RBMS3: variants seen among roughly 807,000 people sequenced by gnomAD.
The protein encoded by RBMS3 is RNA binding motif single stranded interacting protein 3, also known as RNA-binding motif, single-stranded-interacting protein 3.
RBMS3 carries 27 observed loss-of-function variants against 66.8 expected under a neutral mutation model. The ratio of observed to expected loss-of-function variants is 0.40; its 90% CI spans 0.30 to 0.56. The LOEUF is 0.56. Among genes scored for constraint, RBMS3 ranks in the 20% least tolerant of loss-of-function variants. The pLI is 0.40. For missense variants in RBMS3, 513 were observed against 549.5 expected (o/e 0.93, Z 0.66); for synonymous variants, 188 against 183.0 (o/e 1.03, Z -0.22).
At chr3:29,543,833 G>GT (rs2045853713) in intron 3 of RBMS3, among the ~76,000 whole-genome samples, 2 of 152,068 alleles carry the variant, frequency 1.3e-5, no homozygotes, top group South Asian at 2.1e-4. Flanking sequence ...AAGGTACATC[G>GT]TTTTTTTCAG....
At chr3:29,578,465 T>A (rs534633849) in intron 3 of RBMS3, among the ~76,000 whole-genome samples, 37 of 152,302 alleles carry the variant, frequency 2.4e-4, no homozygotes, top group African/African-American at 8.4e-4. Context: ...AGATGTAGAA[T>A]CCACCGTGTC....
intron 3 of RBMS3, among the ~76,000 whole-genome samples, chr3:29,499,730 A>C (rs3773036): frequency 0.024 from 3,627 of 152,314 alleles, 101 homozygotes; most frequent in Admixed American, 0.089. Flanking sequence ...TATTTGGAAC[A>C]CTTTTTCTAT....
intron 1 of RBMS3, among the ~76,000 whole-genome samples, chr3:29,336,539 C>A (rs540201757): frequency 6.6e-6 from 1 of 151,926 alleles, no homozygotes. Context: ...GACTTTATTG[C>A]GGAACGAAAG....
At chr3:29,462,281 A>G (rs1266378544) in intron 2 of RBMS3, among the ~76,000 whole-genome samples, 1 of 152,180 alleles carries the variant, frequency 6.6e-6, no homozygotes, top group Non-Finnish European at 1.5e-5. Context: ...TTCAGGCTGC[A>G]TGCCCCCTTT....
At chr3:29,814,709 G>A (rs1320504586) in intron 6 of RBMS3, among the ~76,000 whole-genome samples, 4 of 152,050 alleles carry the variant, frequency 2.6e-5, no homozygotes, top group African/African-American at 7.2e-5. Flanking sequence ...TTTAGTCTTG[G>A]GAGAGTGTAT....
At chr3:29,905,379 A>G (rs779177730) in intron 10 of RBMS3, among the ~76,000 whole-genome samples, 4 of 151,952 alleles carry the variant, frequency 2.6e-5, no homozygotes, top group Non-Finnish European at 5.9e-5. Context: ...AAATGTTGTT[A>G]CCTTTGAAGT....
intron 4 of RBMS3, among the ~76,000 whole-genome samples, chr3:29,647,614 C>G (rs1369499186): frequency 6.6e-6 from 1 of 152,078 alleles, no homozygotes; most frequent in East Asian, 1.9e-4. Context: ...TTAGGATTTT[C>G]AAGAACTTGG....
At chr3:29,521,488 A>G (rs917898815) in intron 3 of RBMS3, among the ~76,000 whole-genome samples, 2 of 152,234 alleles carry the variant, frequency 1.3e-5, no homozygotes, top group African/African-American at 2.4e-5. Context: ...TCCTATAGCC[A>G]GGTCTCCAGG....
rs563278600 is a variant in RBMS3, at chr3:29,999,420, C to A, written c.1308-4436C>A. Among the ~76,000 whole-genome samples the A allele has an allele frequency of 4.8e-3, 733 of 152,236 alleles. 4 individuals are homozygous for A. Among genetic ancestry groups the A allele is most frequent in the African/African-American group, 0.017 (700 of 41,536 alleles). ...CAGCCATCCCATTACTGGGTATATA[C>A]CCAAAGGATTATAAATCATGCTGCT... is the stretch of plus-strand genomic sequence containing the variant. On this transcript the variant is annotated intron_variant, in intron 14 of 14. Transcript: ENST00000383767.
chr3:29,627,304 C>CTCTT (rs2049100427), intron 4 of RBMS3, among the ~76,000 whole-genome samples: 1 of 151,932 alleles, frequency 6.6e-6, no homozygotes, highest in East Asian at 1.9e-4. Context: ...CTCTCTGTCT[C>CTCTT]TCTCTCTCTC....
At chr3:29,346,396 CTTTTTTTTTTTTT>C (rs34803214) in intron 1 of RBMS3, among the ~76,000 whole-genome samples, 2 of 59,962 alleles carry the variant, frequency 3.3e-5, no homozygotes, top group Non-Finnish European at 5.9e-5. Context: ...GCAATTCATT[CTTTTTTTTTTTTT>C]TTTTTTTTTT....
At chr3:29,962,575 T>A (rs1286274518) in intron 12 of RBMS3, among the ~76,000 whole-genome samples, 1 of 150,994 alleles carries the variant, frequency 6.6e-6, no homozygotes, top group Non-Finnish European at 1.5e-5. Context: ...TATAATACCA[T>A]ACCAACAAGC....
At chr3:29,967,905 C>G (rs984909231) in intron 12 of RBMS3, among the ~76,000 whole-genome samples, 1 of 152,072 alleles carries the variant, frequency 6.6e-6, no homozygotes, top group African/African-American at 2.4e-5. Context: ...TTTATCTTTT[C>G]AAAGAACCAG....
At chr3:29,719,116 T>C (rs1312018928) in intron 4 of RBMS3, among the ~76,000 whole-genome samples, 1 of 150,724 alleles carries the variant, frequency 6.6e-6, no homozygotes, top group African/African-American at 2.5e-5. Flanking sequence ...ATTTAGTATA[T>C]CTGGGGTGGG....
At chr3:29,828,980 TTCTTTCTTTCTTTC>T (rs1228421683) in intron 6 of RBMS3, among the ~76,000 whole-genome samples, 11 of 10,694 alleles carry the variant, frequency 1.0e-3, no homozygotes, top group South Asian at 7.4e-3. Context: ...GCGAGTGACT[TTCTTTCTTTCTTTC>T]TTTCTTTCTT....
At chr3:29,450,219 G>A (rs2041969369) in intron 2 of RBMS3, among the ~76,000 whole-genome samples, 3 of 152,100 alleles carry the variant, frequency 2.0e-5, no homozygotes, top group Admixed American at 2.0e-4. Context: ...ACATCCATTG[G>A]GTCAGGGAAA....
At chr3:29,647,749 A>G (rs1381299802) in intron 4 of RBMS3, among the ~76,000 whole-genome samples, 2 of 152,196 alleles carry the variant, frequency 1.3e-5, no homozygotes, top group Non-Finnish European at 2.9e-5. Context: ...ATATAGGCAT[A>G]TGATTCCTGC....
chr3:29,545,455 T>C (rs1291115581), intron 3 of RBMS3, among the ~76,000 whole-genome samples: 1 of 152,140 alleles, frequency 6.6e-6, no homozygotes, highest in Non-Finnish European at 1.5e-5. Context: ...GCAGATACTT[T>C]CAATAAAATC....
intron 3 of RBMS3, among the ~76,000 whole-genome samples, chr3:29,563,887 T>C (rs2046643852): frequency 6.6e-6 from 1 of 151,888 alleles, no homozygotes; most frequent in Admixed American, 6.6e-5. Flanking sequence ...TATTGTGGCA[T>C]GTACCTGTGG....
Sources: allele counts gnomAD v4.1 joint callset (sites outside exome capture counted in the v4.1 genomes callset), GRCh38; gene constraint gnomAD v4.1.1; transcripts MANE v1.5; gene names NCBI Gene and HGNC (gene_info 2026-07-23, HGNC 2026-07-21).